Variants in SYNE3 observed in about 807,000 individuals in gnomAD.
The protein encoded by SYNE3 is spectrin repeat containing nuclear envelope family member 3.
SYNE3 carries 100 observed loss-of-function variants against 111.2 expected under a neutral mutation model. The observed-to-expected ratio is 0.90, with a 90% CI of 0.77 to 1.06. The LOEUF is 1.06. SYNE3 is among the 50% of genes least tolerant of loss of function. The pLI is 0.00. For missense variants in SYNE3, 1,160 were observed against 1,240.3 expected (o/e 0.94, Z 0.97); for synonymous variants, 547 against 533.9 (o/e 1.02, Z -0.34).
At chr14:95,473,436 G>A (rs1176369549) in intron 2 of SYNE3, among the ~76,000 whole-genome samples, 1 of 152,124 alleles carries the variant, frequency 6.6e-6, no homozygotes, top group Non-Finnish European at 1.5e-5. Context: ...GACAGGTAAG[G>A]TCAGGAGCTG....
Position 95,417,915 on chromosome 14 carries a change from T to G in SYNE3, c.2839A>C (p.Arg947=), listed in dbSNP as rs1022007472. The G allele has an allele frequency of 1.2e-6, 2 of 1,614,100 alleles. No individual in the cohort carries two copies. Among genetic ancestry groups the G allele is most frequent in the Admixed American group, 3.3e-5 (2 of 60,030 alleles). ...AGGGTGCAGCTGCGGTCCTCTTCCC[T>G]GATTGGGAGCAGGAACAGCAGGAGG... The part of the protein sequence containing the change: ...FLLLLFLLPI[R]EEDRSCTLAN... The change falls in exon 18 of 18, where the codon AGG becomes CGG. Residue 947 remains arginine, a synonymous_variant. Coordinates refer to ENST00000682763, the MANE Select transcript of SYNE3 (RefSeq NM_152592.6).
intron 17 of SYNE3, among the ~76,000 whole-genome samples, chr14:95,426,897 T>A (rs1206405410): frequency 7.6e-6 from 1 of 132,136 alleles, no homozygotes; most frequent in Admixed American, 9.0e-5. Flanking sequence ...TGATCCAAGA[T>A]CGCACCACTG....
chr14:95,473,832 C>T lies in SYNE3; in HGVS notation c.144+1846G>A, dbSNP rs76474135. On this transcript the variant is annotated intron_variant, in intron 2 of 17. Coordinates refer to ENST00000682763, the MANE Select transcript of SYNE3 (RefSeq NM_152592.6). Reference sequence around the variant, plus strand: ...TGGAACTAAGGCTGGTGTGAGCTTGCGAGGTGTGACAGTGGCTGGAGCTAA... The same window carrying T: ...TGGAACTAAGGCTGGTGTGAGCTTGTGAGGTGTGACAGTGGCTGGAGCTAA... Among the ~76,000 whole-genome samples, 13 of 124,510 alleles carry T rather than the reference C, an allele frequency of 1.0e-4. No homozygotes were observed. In the South Asian group the frequency reaches 1.9e-3, roughly 18 times the overall value. 81.7% of individuals were successfully genotyped at this position (124,510 alleles called of 152,430 possible). A position where few individuals can be genotyped will look rare whatever the true frequency, so the allele number is the denominator to read the frequency against.
At chr14:95,466,291 T>C (rs4900270) in intron 3 of SYNE3, 51 bp from the exon 4 acceptor site, 1,020,013 of 1,519,120 alleles carry the variant, frequency 0.67, 343,742 homozygotes, top group African/African-American at 0.76. Flanking sequence ...ACCTGCCTCC[T>C]GGGTCGGGGG....
Position 95,450,022 on chromosome 14 carries a change from T to G in SYNE3, c.1358A>C (p.Gln453Pro), listed in dbSNP as rs541692457. ...QHFQRPLQDLQLWKALAQRLL... is the reference protein window; with the variant it reads ...QHFQRPLQDLPLWKALAQRLL... ...CCGCTGGGCCAGGGCCTTCCACAGC[T>G]GCAGATCCTGCAGAGGCCGCTGGAA... is the stretch of plus-strand genomic sequence containing the variant. Residue 453 changes from glutamine to proline, a missense_variant, in exon 8 of 18, where the codon CAG (glutamine) becomes CCG (proline). Physicochemically the swap from Gln to Pro is moderately conservative, Grantham distance 76 (BLOSUM62 -1). Transcript: ENST00000682763. 2.5e-5 allele frequency: 39 copies of G among 1,558,606 alleles called. No homozygotes were observed. In the South Asian group the frequency reaches 4.0e-4, roughly 16 times the overall value.
intron 1 of SYNE3, among the ~76,000 whole-genome samples, chr14:95,513,736 A>AC (rs1890802644): frequency 5.5e-5 from 2 of 36,416 alleles, no homozygotes; most frequent in Non-Finnish European, 1.0e-4. Context: ...GGCTGCTTAG[A>AC]TTATATATAT....
At chr14:95,464,661 G>A (rs1339243456) in intron 4 of SYNE3, among the ~76,000 whole-genome samples, 6 of 152,364 alleles carry the variant, frequency 3.9e-5, no homozygotes, top group East Asian at 1.9e-4. Context: ...AATAGGAGTC[G>A]TGAAGATAAA....
At chr14:95,473,929 T>C (rs1273576802) in intron 2 of SYNE3, among the ~76,000 whole-genome samples, 2 of 148,990 alleles carry the variant, frequency 1.3e-5, no homozygotes, top group African/African-American at 5.0e-5. Context: ...GGTGTGACAG[T>C]GGCTGGAGCT....
intron 1 of SYNE3, among the ~76,000 whole-genome samples, chr14:95,481,794 C>G (rs929397462): frequency 2.6e-5 from 4 of 152,222 alleles, no homozygotes; most frequent in Non-Finnish European, 4.4e-5. Context: ...CTCCCTTTGC[C>G]CGATTCCAGG....
At chr14:95,424,188 A>G (rs1371714678) in intron 17 of SYNE3, among the ~76,000 whole-genome samples, 2 of 152,268 alleles carry the variant, frequency 1.3e-5, no homozygotes, top group South Asian at 4.1e-4. Context: ...AGAGTCACCT[A>G]TGAGACGGTG....
At chr14:95,423,216 G>A (rs1885233051) in intron 17 of SYNE3, among the ~76,000 whole-genome samples, 2 of 152,152 alleles carry the variant, frequency 1.3e-5, no homozygotes, top group Admixed American at 6.5e-5. Context: ...CTGTGGTTTA[G>A]CTAATAGGTG....
intron 15 of SYNE3, among the ~76,000 whole-genome samples, chr14:95,434,982 A>G (rs1402728682): frequency 1.3e-5 from 2 of 152,228 alleles, no homozygotes; most frequent in African/African-American, 4.8e-5. Context: ...CCTCTTATAC[A>G]TATTTTGGCA....
chr14:95,421,678 C>A (rs1313991620), intron 17 of SYNE3, among the ~76,000 whole-genome samples: 1 of 152,216 alleles, frequency 6.6e-6, no homozygotes, highest in African/African-American at 2.4e-5. Flanking sequence ...GGCAGAGAGG[C>A]AGCTCCTGCA....
chr14:95,497,738 T>C lies in SYNE3; in HGVS notation c.-15+18858A>G, dbSNP rs181511138. The stretch of plus-strand genomic sequence containing the variant: ...AGCATGAAAATAGCCACAGATAGCA[T>C]GTAAATAAATGAGCATGACTGCGTT... On this transcript the variant is annotated intron_variant, in intron 1 of 17. Transcript: ENST00000682763. Among the ~76,000 whole-genome samples, 552 of 150,554 alleles carry C rather than the reference T, an allele frequency of 3.7e-3. 2 individuals are homozygous for C. The Middle Eastern group carries it at 0.044, about 12-fold the overall frequency.
intron 1 of SYNE3, among the ~76,000 whole-genome samples, chr14:95,484,992 G>T (rs1889466890): frequency 6.6e-6 from 1 of 152,154 alleles, no homozygotes; most frequent in Non-Finnish European, 1.5e-5. Flanking sequence ...TGGGGGCTAA[G>T]AATTTGCATT....
intron 15 of SYNE3, among the ~76,000 whole-genome samples, chr14:95,435,318 A>C (rs1886024561): frequency 6.6e-6 from 1 of 152,224 alleles, no homozygotes; most frequent in Non-Finnish European, 1.5e-5. Flanking sequence ...GATAACTGCA[A>C]CAACCAAAGT....
chr14:95,461,418 C>G (rs1326517794), intron 4 of SYNE3, among the ~76,000 whole-genome samples: 1 of 152,222 alleles, frequency 6.6e-6, no homozygotes, highest in East Asian at 1.9e-4. Context: ...ATTTCACTTG[C>G]AAACACTGCG....
At chr14:95,444,733 A>C in intron 9 of SYNE3, 105 bp from the exon 10 acceptor site, 333 of 1,389,820 alleles carry the variant, frequency 2.4e-4, no homozygotes, top group Non-Finnish European at 2.9e-4. Context: ...CGGCCAGCTC[A>C]TGCTCATTCA....
At position 95,444,622 on chromosome 14, in the gene SYNE3, G is replaced by A; in HGVS notation, c.1639C>T (p.Leu547Phe). The change falls in exon 10 of 18, where the codon CTC becomes TTC. Residue 547 changes from leucine to phenylalanine, a missense_variant. Transcript: ENST00000682763. ...LQRKSKLQSL[L>F]AQHKDFGAAF... The stretch of plus-strand genomic sequence containing the variant: ...GCTCCAAAGTCTTTGTGCTGAGCGA[G>A]CAGGCTCTGCAGAGACACAGGACAG... 2 of 1,586,114 alleles carry A rather than the reference G, an allele frequency of 1.3e-6. No individual in the cohort carries two copies. Among genetic ancestry groups the A allele is most frequent in the South Asian group, 1.1e-5 (1 of 88,824 alleles).
Sources: gnomAD v4.1 joint callset for allele counts (sites outside exome capture counted in the v4.1 genomes callset) on GRCh38, gnomAD v4.1.1 for gene constraint, MANE v1.5 for transcripts, NCBI Gene and HGNC (gene_info 2026-07-23, HGNC 2026-07-21) for gene names.